Variants in RFTN2 observed in about 807,000 individuals in gnomAD.
RFTN2 encodes raftlin-2.
Under a neutral mutation model 52.7 loss-of-function variants are expected in RFTN2, and 34 were observed. That is an observed-to-expected ratio of 0.64 (90% CI 0.49 to 0.86). The LOEUF (loss-of-function observed/expected upper bound fraction) is 0.86, where lower values mean the gene tolerates loss of function less well. Among genes scored for constraint, RFTN2 ranks in the 40% least tolerant of loss-of-function variants. The probability of loss-of-function intolerance (pLI) is 0.00; values close to 1 mark genes in which losing one functional copy is unlikely to be tolerated. For synonymous variants in RFTN2, 203 were observed against 217.7 expected, an observed-to-expected ratio of 0.93 and a Z score of 0.59; for missense variants, 536 against 600.1, an observed-to-expected ratio of 0.89 and a Z score of 1.12.
chr2:197,599,739 G>A (rs188836011), intron 7 of RFTN2, among the ~76,000 whole-genome samples: 4 of 152,298 alleles, frequency 2.6e-5, no homozygotes, highest in Non-Finnish European at 4.4e-5. Flanking sequence ...AGGGGAGGGC[G>A]AACCCTCCAC....
At chr2:197,604,983 AC>A (rs1374164998) in intron 7 of RFTN2, among the ~76,000 whole-genome samples, 1 of 151,794 alleles carries the variant, frequency 6.6e-6, no homozygotes, top group African/African-American at 2.4e-5. Context: ...CTGGTCTTGA[AC>A]TCCTGACCTC....
At chr2:197,620,929 G>A (rs918983689) in intron 5 of RFTN2, among the ~76,000 whole-genome samples, 17 of 152,182 alleles carry the variant, frequency 1.1e-4, no homozygotes, top group Non-Finnish European at 1.9e-4. Flanking sequence ...TCGTGCCATT[G>A]TACTTCAGCC....
chr2:197,637,045 T>G (rs1574730247), intron 3 of RFTN2, among the ~76,000 whole-genome samples: 1 of 151,408 alleles, frequency 6.6e-6, no homozygotes, highest in African/African-American at 2.4e-5. Flanking sequence ...ATTACATTTA[T>G]TGATTTGTGT....
chr2:197,634,067 C>T, intron 3 of RFTN2, 70 bp from the exon 4 acceptor site: 1 of 1,325,976 alleles, frequency 7.5e-7, no homozygotes. Context: ...ATCAATTAAC[C>T]TTTAGGCTTA....
At chr2:197,573,866 G>C (rs1250530558) in intron 8 of RFTN2, among the ~76,000 whole-genome samples, 1 of 152,238 alleles carries the variant, frequency 6.6e-6, no homozygotes, top group Non-Finnish European at 1.5e-5. Context: ...TTCTTCAGAG[G>C]GTGCAAGCCC....
chr2:197,583,993 A>G (rs551257310), intron 8 of RFTN2, among the ~76,000 whole-genome samples: 1 of 152,040 alleles, frequency 6.6e-6, no homozygotes, highest in African/African-American at 2.4e-5. Context: ...TCCATGGTGT[A>G]TATGTGCCAC....
At chr2:197,622,519 T>A (rs933132779) in intron 5 of RFTN2, among the ~76,000 whole-genome samples, 2 of 152,204 alleles carry the variant, frequency 1.3e-5, no homozygotes, top group African/African-American at 4.8e-5. Context: ...TTAGCCAGGC[T>A]GATCTCGAAC....
intron 8 of RFTN2, among the ~76,000 whole-genome samples, chr2:197,587,767 T>G (rs912341215): frequency 6.6e-6 from 1 of 152,096 alleles, no homozygotes; most frequent in Admixed American, 6.5e-5. Flanking sequence ...TCATATCACC[T>G]CTCCTACCCC....
intron 8 of RFTN2, among the ~76,000 whole-genome samples, chr2:197,593,725 A>G (rs2087752582): frequency 6.6e-6 from 1 of 151,882 alleles, no homozygotes; most frequent in African/African-American, 2.4e-5. Context: ...CATCTCTACC[A>G]AAAATACAAC....
intron 1 of RFTN2, among the ~76,000 whole-genome samples, chr2:197,653,332 A>AC (rs11376972): frequency 1 from 152,244 of 152,244 alleles, 76,122 homozygotes; most frequent in Non-Finnish European, 1. Flanking sequence ...GGGTCTGGAG[A>AC]CCTGACGGGT....
At chr2:197,639,332 T>G (rs1198079568) in intron 3 of RFTN2, among the ~76,000 whole-genome samples, 1 of 150,540 alleles carries the variant, frequency 6.6e-6, no homozygotes, top group Non-Finnish European at 1.5e-5. Flanking sequence ...TCCTGCAGAG[T>G]GTTTTCCAAC....
At chr2:197,635,008 T>A (rs942269079) in intron 3 of RFTN2, among the ~76,000 whole-genome samples, 119 of 151,486 alleles carry the variant, frequency 7.9e-4, no homozygotes, top group African/African-American at 2.8e-3. Flanking sequence ...GTTCTTGCGA[T>A]AGTTTACTAA....
intron 7 of RFTN2, among the ~76,000 whole-genome samples, chr2:197,603,857 G>A (rs953033511): frequency 3.9e-5 from 6 of 152,304 alleles, no homozygotes; most frequent in African/African-American, 1.4e-4. Flanking sequence ...AACCCGGGAG[G>A]TGGAGGTTGC....
chr2:197,591,530 C>A (rs796477042), intron 8 of RFTN2, among the ~76,000 whole-genome samples: 1 of 152,346 alleles, frequency 6.6e-6, no homozygotes, highest in African/African-American at 2.4e-5. Flanking sequence ...GTGGAGCTGT[C>A]TGCCAGTCCC....
At chr2:197,663,190 T>G (rs1279701638) in intron 1 of RFTN2, among the ~76,000 whole-genome samples, 1 of 152,212 alleles carries the variant, frequency 6.6e-6, no homozygotes, top group Non-Finnish European at 1.5e-5. Flanking sequence ...TGGTATAAAT[T>G]CCATTTGATG....
chr2:197,659,555 T>A (rs2088946467), intron 1 of RFTN2, among the ~76,000 whole-genome samples: 1 of 151,392 alleles, frequency 6.6e-6, no homozygotes, highest in Non-Finnish European at 1.5e-5. Flanking sequence ...TGGTGGCTCA[T>A]GCCTGTAATC....
chr2:197,624,234 C>T (rs2088315031), intron 5 of RFTN2, among the ~76,000 whole-genome samples: 1 of 152,040 alleles, frequency 6.6e-6, no homozygotes, highest in African/African-American at 2.4e-5. Context: ...GGATTGACTC[C>T]CATTTTGAAA....
chr2:197,642,844 T>A (rs1258772935), intron 3 of RFTN2, among the ~76,000 whole-genome samples: 1 of 152,068 alleles, frequency 6.6e-6, no homozygotes, highest in African/African-American at 2.4e-5. Flanking sequence ...CTGGGCGTGG[T>A]GTCCCATGCC....
At chr2:197,593,662 G>A (rs1574690116) in intron 8 of RFTN2, among the ~76,000 whole-genome samples, 1 of 152,168 alleles carries the variant, frequency 6.6e-6, no homozygotes, top group East Asian at 1.9e-4. Context: ...GCCGAGGTGG[G>A]GGGATCTCGA....
Sources: allele counts gnomAD v4.1 joint callset (sites outside exome capture counted in the v4.1 genomes callset), GRCh38; gene constraint gnomAD v4.1.1; transcripts MANE v1.5; gene names NCBI Gene and HGNC (gene_info 2026-07-23, HGNC 2026-07-21).